Variants in PTPRG observed in about 807,000 individuals in gnomAD.
PTPRG encodes protein tyrosine phosphatase receptor type G, also known as receptor-type tyrosine-protein phosphatase gamma.
A neutral mutation model predicts 165.3 loss-of-function variants in PTPRG; 102 were observed. The ratio of observed to expected loss-of-function variants is 0.62; its 90% CI spans 0.53 to 0.73. The LOEUF is 0.73. Ranked by LOEUF, PTPRG falls within the 30% of genes least tolerant of loss-of-function variation. PTPRG has a pLI of 0.00. For missense variants in PTPRG, 1,866 were observed against 1,861.4 expected (o/e 1.00, Z -0.05); for synonymous variants, 675 against 669.5 (o/e 1.01, Z -0.13).
intron 1 of PTPRG, among the ~76,000 whole-genome samples, chr3:61,715,261 G>C (rs964574647): frequency 1.3e-5 from 2 of 151,206 alleles, no homozygotes; most frequent in Non-Finnish European, 2.9e-5. Flanking sequence ...TCTTTTTCCA[G>C]GCTGGAGTGT....
intron 2 of PTPRG, among the ~76,000 whole-genome samples, chr3:61,917,040 G>A (rs1295318732): frequency 6.6e-6 from 1 of 152,148 alleles, no homozygotes; most frequent in African/African-American, 2.4e-5. Flanking sequence ...TCCTAGCGAT[G>A]TGGGGACTGG....
chr3:62,093,083 G>T (rs1328540512), intron 5 of PTPRG, among the ~76,000 whole-genome samples: 1 of 152,210 alleles, frequency 6.6e-6, no homozygotes, highest in Non-Finnish European at 1.5e-5. Context: ...GGATTTAGAT[G>T]TAATTGGTCC....
rs1041393310 is a variant in PTPRG, at chr3:61,915,848, A to G, written c.191-73777A>G. Among the ~76,000 whole-genome samples the G allele has an allele frequency of 2.6e-5, 4 of 152,194 alleles. No individual in the cohort carries two copies. In the South Asian group the frequency reaches 6.2e-4, roughly 24 times the overall value. On this transcript the variant is annotated intron_variant, in intron 2 of 29. Coordinates refer to ENST00000474889, the MANE Select transcript of PTPRG (RefSeq NM_002841.4). Reference sequence around the variant, plus strand: ...AGTCAAATATCTGAACCTGAATACTATAGGAAATCCCAAATAGTGACACTG... The same window carrying G: ...AGTCAAATATCTGAACCTGAATACTGTAGGAAATCCCAAATAGTGACACTG...
At chr3:61,893,524 C>T (rs146025840) in intron 2 of PTPRG, among the ~76,000 whole-genome samples, 10 of 152,300 alleles carry the variant, frequency 6.6e-5, no homozygotes, top group African/African-American at 2.4e-4. Flanking sequence ...TAGTCTTAAC[C>T]GCTATGGCGC....
Position 61,600,159 on chromosome 3 carries a change from C to CA in PTPRG, c.85+37802dup, listed in dbSNP as rs376881197. Among the ~76,000 whole-genome samples, 321 of 113,530 alleles carry CA rather than the reference C, an allele frequency of 2.8e-3. 2 individuals carry two copies. Among genetic ancestry groups the CA allele is most frequent in the African/African-American group, 5.0e-3 (138 of 27,546 alleles). The allele number at this position is 113,530 out of a possible 152,430, so 74.5% of individuals were successfully genotyped here. ...TGGGCGACAGAGTGAGACATTGTCT[C>CA]AAAAAAAAAAAAAAATATATATATA... is the stretch of plus-strand genomic sequence containing the variant. On this transcript the variant is annotated intron_variant, in intron 1 of 29. Coordinates refer to ENST00000474889, the MANE Select transcript of PTPRG (RefSeq NM_002841.4).
intron 2 of PTPRG, among the ~76,000 whole-genome samples, chr3:61,834,661 A>C (rs986782417): frequency 6.6e-6 from 1 of 152,130 alleles, no homozygotes; most frequent in Non-Finnish European, 1.5e-5. Context: ...AAAAATACAA[A>C]AATTAGCTGG....
intron 1 of PTPRG, among the ~76,000 whole-genome samples, chr3:61,703,674 C>A (rs2031098256): frequency 6.6e-6 from 1 of 152,130 alleles, no homozygotes; most frequent in Non-Finnish European, 1.5e-5. Flanking sequence ...TCTTGGTAAT[C>A]TGATGGATGA....
At position 62,120,458 on chromosome 3, in the gene PTPRG, A is replaced by T. The variant is rs191880924; in HGVS notation, c.616-12144A>T. On this transcript the variant is annotated intron_variant, in intron 5 of 29. Coordinates refer to ENST00000474889, the MANE Select transcript of PTPRG (RefSeq NM_002841.4). The stretch of plus-strand genomic sequence containing the variant: ...AAAAATGTTAAAATTGTATTAAAAT[A>T]AAAGATTGAAGGCCAGGTGCAGTGG... Among the ~76,000 whole-genome samples, 182 of 152,282 alleles carry T rather than the reference A, an allele frequency of 1.2e-3. 2 individuals are homozygous for T. Among genetic ancestry groups the T allele is most frequent in the African/African-American group, 3.8e-3 (158 of 41,538 alleles).
intron 2 of PTPRG, among the ~76,000 whole-genome samples, chr3:61,909,034 G>A (rs1410584494): frequency 2.0e-5 from 3 of 152,202 alleles, no homozygotes; most frequent in Non-Finnish European, 2.9e-5. Context: ...GAGTAGGAAT[G>A]AAATGGGGTT....
intron 15 of PTPRG, among the ~76,000 whole-genome samples, chr3:62,246,287 C>G (rs1020963105): frequency 6.6e-6 from 1 of 152,150 alleles, no homozygotes; most frequent in East Asian, 1.9e-4. Context: ...AGTGAAATGA[C>G]GAGTGAGGCT....
chr3:62,079,827 A>G (rs1701504763), intron 5 of PTPRG, among the ~76,000 whole-genome samples: 6 of 152,240 alleles, frequency 3.9e-5, no homozygotes. Flanking sequence ...TGTGAAGTAG[A>G]GAGAACAGCT....
At chr3:61,720,066 A>T (rs1226520591) in intron 1 of PTPRG, among the ~76,000 whole-genome samples, 1 of 151,142 alleles carries the variant, frequency 6.6e-6, no homozygotes, top group African/African-American at 2.4e-5. Context: ...TATCTTGTTC[A>T]TTATTTATCC....
At chr3:61,847,867 C>T (rs954329418) in intron 2 of PTPRG, among the ~76,000 whole-genome samples, 3 of 152,318 alleles carry the variant, frequency 2.0e-5, no homozygotes, top group East Asian at 1.9e-4. Flanking sequence ...CTGTGACGGA[C>T]GAATTTCTGA....
At chr3:62,178,181 G>GGATA in intron 8 of PTPRG, among the ~76,000 whole-genome samples, 1 of 151,260 alleles carries the variant, frequency 6.6e-6, no homozygotes, top group Non-Finnish European at 1.5e-5. Flanking sequence ...ATGGATGGAT[G>GGATA]GATGCACATG....
rs551970001 is a variant in PTPRG at position 61,717,742 on chromosome 3, T to C, written c.86-31136T>C. 1.9e-4 allele frequency among the ~76,000 whole-genome samples: 29 copies of C among 151,736 alleles called. No individual in the cohort carries two copies. In the East Asian group the frequency reaches 4.9e-3, roughly 26 times the overall value. On this transcript the variant is annotated intron_variant, in intron 1 of 29. Transcript: ENST00000474889. ...AGTTGCAGATTGCAGTGAGCTGAGT[T>C]TGAGCCACTGCACTCCAGCCTGGCG...
At position 62,209,602 on chromosome 3, in the gene PTPRG, C is replaced by G. The variant is rs78486052; in HGVS notation, c.2155+5652C>G. ...CTTTTCAGCCAGTGCTAGTTTTGCT[C>G]GTCAGGTTTCTTTCTAGAGAAATGT... On this transcript the variant is annotated intron_variant, in intron 12 of 29. Transcript: ENST00000474889. Among the ~76,000 whole-genome samples the G allele has an allele frequency of 6.6e-3, 1,010 of 152,224 alleles. 14 individuals carry two copies. Among genetic ancestry groups the G allele is most frequent in the African/African-American group, 0.024 (977 of 41,532 alleles).
At chr3:62,242,491 A>G (rs995832463) in intron 14 of PTPRG, among the ~76,000 whole-genome samples, 4 of 152,238 alleles carry the variant, frequency 2.6e-5, no homozygotes, top group African/African-American at 4.8e-5. Context: ...GCTACTTTCC[A>G]TCTGAAAATA....
At chr3:61,978,203 T>C (rs1443312384) in intron 2 of PTPRG, among the ~76,000 whole-genome samples, 2 of 152,244 alleles carry the variant, frequency 1.3e-5, no homozygotes, top group Non-Finnish European at 2.9e-5. Context: ...TAGAGAACTT[T>C]TACTTTTGCA....
chr3:62,068,979 C>G (rs1701113130), intron 4 of PTPRG, among the ~76,000 whole-genome samples: 1 of 152,202 alleles, frequency 6.6e-6, no homozygotes, highest in Non-Finnish European at 1.5e-5. Flanking sequence ...CCGCTACCTA[C>G]TATTCTTCAG....
Sources: gnomAD v4.1 joint callset for allele counts (sites outside exome capture counted in the v4.1 genomes callset) on GRCh38, gnomAD v4.1.1 for gene constraint, MANE v1.5 for transcripts, NCBI Gene and HGNC (gene_info 2026-07-23, HGNC 2026-07-21) for gene names.